SORCS3: variants seen among roughly 807,000 people sequenced by gnomAD.
SORCS3 encodes the protein sortilin related VPS10 domain containing receptor 3.
In SORCS3, 57 loss-of-function variants were observed where a neutral mutation model predicts 146.3. That is an observed-to-expected ratio of 0.39 (90% CI 0.31 to 0.49). The LOEUF is 0.49. SORCS3 is among the 20% of genes least tolerant of loss of function. The pLI is 0.92. For synonymous variants in SORCS3, 653 were observed against 618.5 expected (o/e 1.06, Z -0.83); for missense variants, 1,341 against 1,575.5 (o/e 0.85, Z 2.52).
chr10:104,646,434 G>C (rs1381267800), intron 1 of SORCS3, among the ~76,000 whole-genome samples: 1 of 152,182 alleles, frequency 6.6e-6, no homozygotes, highest in East Asian at 1.9e-4. Context: ...AGGGAAAATT[G>C]CTTTTTCTTT....
At chr10:104,757,353 T>C (rs1035595068) in intron 1 of SORCS3, among the ~76,000 whole-genome samples, 17 of 152,232 alleles carry the variant, frequency 1.1e-4, no homozygotes, top group Non-Finnish European at 2.4e-4. Flanking sequence ...CCATTAGCTC[T>C]TGTCCTCAGT....
intron 2 of SORCS3, among the ~76,000 whole-genome samples, chr10:104,857,117 A>T (rs1484497450): frequency 6.7e-6 from 1 of 149,460 alleles, no homozygotes; most frequent in African/African-American, 2.5e-5. Context: ...CTAGATAAGG[A>T]GTATAGTCAG....
At chr10:104,906,837 CTT>C in intron 2 of SORCS3, among the ~76,000 whole-genome samples, 1 of 152,170 alleles carries the variant, frequency 6.6e-6, no homozygotes, top group East Asian at 1.9e-4. Flanking sequence ...CTTGGATACA[CTT>C]TTGTTTGAAA....
At chr10:104,833,581 C>A (rs2018031895) in intron 1 of SORCS3, among the ~76,000 whole-genome samples, 1 of 152,146 alleles carries the variant, frequency 6.6e-6, no homozygotes, top group Non-Finnish European at 1.5e-5. Context: ...AGCATTCATA[C>A]AGGACACAAA....
At chr10:105,237,347 T>C (rs2056798575) in intron 20 of SORCS3, among the ~76,000 whole-genome samples, 1 of 152,158 alleles carries the variant, frequency 6.6e-6, no homozygotes. Context: ...GATCAAGTAT[T>C]GCTGCAAGGA....
chr10:104,724,649 A>T (rs1183703662), intron 1 of SORCS3, among the ~76,000 whole-genome samples: 2 of 152,252 alleles, frequency 1.3e-5, no homozygotes, highest in East Asian at 3.9e-4. Context: ...ACATAGTCCC[A>T]TATTTCTTGG....
At chr10:105,153,690 T>C (rs1193280114) in intron 9 of SORCS3, among the ~76,000 whole-genome samples, 1 of 151,148 alleles carries the variant, frequency 6.6e-6, no homozygotes, top group Non-Finnish European at 1.5e-5. Flanking sequence ...GCTGTTCCGA[T>C]GGGGATTTAG....
chr10:105,128,458 C>T (rs1416063305), intron 7 of SORCS3, among the ~76,000 whole-genome samples: 2 of 152,124 alleles, frequency 1.3e-5, no homozygotes, highest in African/African-American at 2.4e-5. Context: ...CCCAAAGAAG[C>T]GTCCCTAATT....
At chr10:104,678,736 C>T (rs185703738) in intron 1 of SORCS3, among the ~76,000 whole-genome samples, 3 of 152,238 alleles carry the variant, frequency 2.0e-5, no homozygotes, top group Admixed American at 2.0e-4. Flanking sequence ...CAAAATGAGT[C>T]AGCAACATCT....
At chr10:105,081,968 C>A (rs1420556217) in intron 5 of SORCS3, among the ~76,000 whole-genome samples, 1 of 151,960 alleles carries the variant, frequency 6.6e-6, no homozygotes, top group Non-Finnish European at 1.5e-5. Flanking sequence ...GATGCAAACA[C>A]CATGCTTATG....
chr10:104,802,548 C>T (rs1037821452), intron 1 of SORCS3, among the ~76,000 whole-genome samples: 1 of 152,210 alleles, frequency 6.6e-6, no homozygotes, highest in Non-Finnish European at 1.5e-5. Flanking sequence ...ACCATGAAAT[C>T]TGGCTTCCTG....
In SORCS3 at chr10:104,641,345, G is replaced by C. The variant is rs1279560609; in HGVS notation, c.18G>C (p.Thr6=). Residue 6 remains threonine (T), a synonymous_variant, in exon 1 of 27, where the codon ACG becomes ACC. Transcript: ENST00000369701. The surrounding 1 kb of genome is among the most constrained non-coding windows in gnomAD (Gnocchi z 6.4). ...GCAGCGGGATGGAGGCGGCGCGCAC[G>C]GAGCGCCCCGCAGGCAGGCCGGGGG... MEAAR[T]ERPAGRPGAP... 3 of 1,353,100 alleles carry C rather than the reference G, an allele frequency of 2.2e-6. No homozygotes were observed. The highest frequency in any genetic ancestry group is 3.7e-5 in the Admixed American group (1 of 27,032). The allele number at this position is 1,353,100 out of a possible 1,614,324, so 83.8% of individuals were successfully genotyped here.
chr10:105,075,313 A>G (rs1204268768), intron 5 of SORCS3, among the ~76,000 whole-genome samples: 1 of 152,188 alleles, frequency 6.6e-6, no homozygotes, highest in East Asian at 1.9e-4. Context: ...GAGTTTGCTC[A>G]TCTGTGGAAT....
At chr10:104,799,299 G>A (rs559209629) in intron 1 of SORCS3, among the ~76,000 whole-genome samples, 49 of 152,258 alleles carry the variant, frequency 3.2e-4, no homozygotes, top group African/African-American at 1.1e-3. Context: ...CAACCCAAAT[G>A]TCCATCAATG....
At chr10:105,211,826 T>C (rs1434387609) in intron 17 of SORCS3, among the ~76,000 whole-genome samples, 1 of 152,212 alleles carries the variant, frequency 6.6e-6, no homozygotes, top group African/African-American at 2.4e-5. Flanking sequence ...TTGCTGCCTC[T>C]ATAACCAAGA....
At chr10:104,832,755 G>A (rs1334720092) in intron 1 of SORCS3, among the ~76,000 whole-genome samples, 7 of 133,054 alleles carry the variant, frequency 5.3e-5, no homozygotes, top group African/African-American at 1.2e-4. Context: ...ATAAATGAAC[G>A]AACGAACAGG....
intron 9 of SORCS3, among the ~76,000 whole-genome samples, chr10:105,155,825 G>A (rs1384797963): frequency 6.6e-6 from 1 of 152,152 alleles, no homozygotes; most frequent in East Asian, 1.9e-4. Context: ...TTGGCCCTTT[G>A]TCAAATTCCC....
intron 5 of SORCS3, among the ~76,000 whole-genome samples, chr10:105,087,061 G>A (rs1339262147): frequency 6.6e-6 from 1 of 152,114 alleles, no homozygotes; most frequent in Non-Finnish European, 1.5e-5. Context: ...TATGGTTTTA[G>A]GTTTTATGTT....
Position 104,875,173 on chromosome 10 carries a change from A to C in SORCS3, c.695+32314A>C, listed in dbSNP as rs1345910606. ...CCTACTCATTACTTTGCATGGAATC[A>C]TGTTTGTCAGTTGGTAGATATTTCC... On this transcript the variant is annotated intron_variant, in intron 2 of 26. Transcript: ENST00000369701. Among the ~76,000 whole-genome samples, 3 of 152,186 alleles carry C rather than the reference A, an allele frequency of 2.0e-5. No individual in the cohort carries two copies. In the East Asian group the frequency reaches 5.8e-4, roughly 29 times the overall value.
Sources: allele counts gnomAD v4.1 joint callset (sites outside exome capture counted in the v4.1 genomes callset), GRCh38; gene constraint gnomAD v4.1.1; non-coding constraint Gnocchi (gnomAD v3.1); transcripts MANE v1.5; gene names NCBI Gene and HGNC (gene_info 2026-07-23, HGNC 2026-07-21).